Variants in SLC44A2 observed in about 807,000 individuals in gnomAD.
SLC44A2 encodes choline transporter-like protein 2.
In SLC44A2, 57 loss-of-function variants were observed where a neutral mutation model predicts 90.8. That is an observed-to-expected ratio of 0.63 (90% CI 0.51 to 0.78). The LOEUF (loss-of-function observed/expected upper bound fraction) is 0.78. SLC44A2 is among the 30% of genes least tolerant of loss of function. SLC44A2 has a pLI of 0.00. For missense variants in SLC44A2, 794 were observed against 919.7 expected, an observed-to-expected ratio of 0.86 and a Z score of 1.77; for synonymous variants, 355 against 360.7, an observed-to-expected ratio of 0.98 and a Z score of 0.18.
chr19:10,638,404 A>G, intron 20 of SLC44A2, 89 bp downstream of exon 20: 1 of 1,185,390 alleles, frequency 8.4e-7, no homozygotes, highest in Non-Finnish European at 1.3e-6. Flanking sequence ...ATGTGGATAG[A>G]GGTCAGAGGT....
At chr19:10,622,736 A>G (rs116979350), upstream of SLC44A2, among the ~76,000 whole-genome samples, 6,087 of 152,130 alleles carry the variant, frequency 0.04, 144 homozygotes, top group South Asian at 0.11. Flanking sequence ...CCCTGTCTCT[A>G]CTAAAAATAC....
chr19:10,636,625 G>A (rs1387166316), intron 15 of SLC44A2, 37 bp from the exon 16 acceptor site: 2 of 1,608,254 alleles, frequency 1.2e-6, no homozygotes, highest in Non-Finnish European at 1.7e-6. Flanking sequence ...GGAGGACGAG[G>A]CCTGGCCCAG....
intron 1 of SLC44A2, among the ~76,000 whole-genome samples, chr19:10,620,278 C>T (rs1358254691): frequency 2.6e-5 from 4 of 151,950 alleles, no homozygotes; most frequent in African/African-American, 4.8e-5. Context: ...GTCAGCAGTT[C>T]GAGACCAGCC....
At chr19:10,636,106 A>C in intron 14 of SLC44A2, 1 of 582,710 alleles carries the variant, frequency 1.7e-6, no homozygotes, top group Non-Finnish European at 2.9e-6. Context: ...TCCTGTCTCC[A>C]TGCCCTCTTC....
At chr19:10,638,181 C>T (rs1326476184) in intron 19 of SLC44A2, 46 bp from the exon 20 acceptor site, 2 of 1,613,034 alleles carry the variant, frequency 1.2e-6, no homozygotes, top group Non-Finnish European at 1.7e-6. Context: ...AGGCTGTTTC[C>T]TATATCCAGA....
chr19:10,635,769 CT>C, intron 14 of SLC44A2: 2 of 326,692 alleles, frequency 6.1e-6, no homozygotes, highest in Non-Finnish European at 1.1e-5. Flanking sequence ...TTTTTCCCTA[CT>C]TCCTTTTTTT....
intron 1 of SLC44A2, among the ~76,000 whole-genome samples, chr19:10,607,802 G>A (rs960312843): frequency 6.8e-6 from 1 of 148,144 alleles, no homozygotes; most frequent in Non-Finnish European, 1.5e-5. Flanking sequence ...CTGGAGTGCA[G>A]TGGCGTGATC....
At chr19:10,621,600 C>T (rs1202022092), upstream of SLC44A2, among the ~76,000 whole-genome samples, 2 of 151,776 alleles carry the variant, frequency 1.3e-5, no homozygotes, top group Non-Finnish European at 2.9e-5. Context: ...TGTGTCACCA[C>T]ACCTGGCTAA....
upstream of SLC44A2, among the ~76,000 whole-genome samples, chr19:10,624,854 A>G (rs3760647): frequency 0.76 from 116,194 of 152,176 alleles, 44,468 homozygotes; most frequent in African/African-American, 0.81. Flanking sequence ...TTGTTCTAAG[A>G]CCAGGCCCAG....
chr19:10,622,642 C>T (rs973680303), upstream of SLC44A2, among the ~76,000 whole-genome samples: 7 of 152,186 alleles, frequency 4.6e-5, no homozygotes, highest in South Asian at 2.1e-4. Flanking sequence ...TGGCTCACAC[C>T]TATAATTACA....
chr19:10,615,992 T>C (rs2066852129), intron 1 of SLC44A2, among the ~76,000 whole-genome samples: 1 of 151,900 alleles, frequency 6.6e-6, no homozygotes, highest in Non-Finnish European at 1.5e-5. Context: ...CGAAACCCTG[T>C]CTCTACCAAA....
chr19:10,627,049 G>A (rs941902912), intron 2 of SLC44A2, among the ~76,000 whole-genome samples: 1 of 151,942 alleles, frequency 6.6e-6, no homozygotes, highest in African/African-American at 2.4e-5. Context: ...AGCCAGGCAC[G>A]GTGGCTCACA....
upstream of SLC44A2, among the ~76,000 whole-genome samples, chr19:10,624,663 T>G (rs989009576): frequency 2.0e-5 from 3 of 152,356 alleles, no homozygotes; most frequent in South Asian, 6.2e-4. Context: ...AAACTGAGGC[T>G]TAAGGAAGAT....
At chr19:10,615,532 C>T (rs936363339) in intron 1 of SLC44A2, among the ~76,000 whole-genome samples, 6 of 151,774 alleles carry the variant, frequency 4.0e-5, no homozygotes, top group African/African-American at 1.2e-4. Context: ...CGAGATCACA[C>T]CAGTGCGCTC....
intron 20 of SLC44A2, among the ~76,000 whole-genome samples, chr19:10,640,680 G>A (rs1599260507): frequency 6.6e-6 from 1 of 152,288 alleles, no homozygotes; most frequent in East Asian, 1.9e-4. Flanking sequence ...AGCAGTAAAT[G>A]GGACTGGGTC....
chr19:10,621,457 T>A (rs1254049526), upstream of SLC44A2, among the ~76,000 whole-genome samples: 1 of 148,422 alleles, frequency 6.7e-6, no homozygotes, highest in South Asian at 2.2e-4. Flanking sequence ...TTGTGGGTTT[T>A]CTTTTAGATG....
chr19:10,632,110 T>C lies in SLC44A2; in HGVS notation c.777T>C (p.Ile259=). ...FIILLRFLAG[I]MVWVMIIMVI... ...TCCTGCTTCGCTTCCTGGCTGGTAT[T>C]ATGGTCTGGGTGATGATCATCATGG... The change falls in exon 10 of 22, where the codon ATT becomes ATC. Residue 259 remains isoleucine (I), a synonymous_variant. Transcript: ENST00000335757. The C allele has an allele frequency of 3.1e-6, 5 of 1,614,074 alleles. No homozygotes were observed. Among genetic ancestry groups the C allele is most frequent in the Non-Finnish European group, 4.2e-6 (5 of 1,180,000 alleles).
intron 1 of SLC44A2, among the ~76,000 whole-genome samples, chr19:10,619,080 C>T (rs993265247): frequency 2.0e-5 from 3 of 150,676 alleles, no homozygotes; most frequent in African/African-American, 7.3e-5. Context: ...ACGTGATCCT[C>T]CCACCCTAGG....
rs1163764417 is a variant in SLC44A2 at position 10,636,657 on chromosome 19, C to T, written c.1497-5C>T. On this transcript the variant is annotated splice_polypyrimidine_tract_variant and splice_region_variant and intron_variant, in intron 15 of 21. Transcript: ENST00000335757. Reference sequence around the variant, plus strand: ...CCAGCCACCGACCACTCCCTCGGCCCGCAGGTACCACACAGGCTCCCTGGC... The same window carrying T: ...CCAGCCACCGACCACTCCCTCGGCCTGCAGGTACCACACAGGCTCCCTGGC... 4.3e-6 allele frequency: 7 copies of T among 1,612,152 alleles called. No individual in the cohort carries two copies. Among genetic ancestry groups the T allele is most frequent in the East Asian group, 2.2e-5 (1 of 44,800 alleles).
Sources: allele counts gnomAD v4.1 joint callset (sites outside exome capture counted in the v4.1 genomes callset), GRCh38; gene constraint gnomAD v4.1.1; transcripts MANE v1.5; gene names NCBI Gene and HGNC (gene_info 2026-07-23, HGNC 2026-07-21).